Variants in ENDOD1 observed in about 807,000 individuals in gnomAD.
ENDOD1 encodes endonuclease domain containing 1.
Under a neutral mutation model 6.5 loss-of-function variants are expected in ENDOD1, and 9 were observed. The ratio of observed to expected loss-of-function variants is 1.39; its 90% confidence interval spans 0.84 to 2.43. ENDOD1 has a LOEUF of 2.43. ENDOD1 is among the 30% of genes most tolerant of loss of function. ENDOD1 has a pLI of 0.00. For missense variants in ENDOD1, 648 were observed against 635.5 expected (o/e 1.02, Z -0.21); for synonymous variants, 255 against 255.2 (o/e 1.00, Z 0.01).
At chr11:95,097,742 G>C (rs1859000716) in intron 1 of ENDOD1, among the ~76,000 whole-genome samples, 1 of 152,194 alleles carries the variant, frequency 6.6e-6, no homozygotes, top group South Asian at 2.1e-4. Context: ...TGATAGCACT[G>C]TATATTCTGG....
chr11:95,100,499 T>G (rs1386564645), intron 1 of ENDOD1, among the ~76,000 whole-genome samples: 5 of 152,148 alleles, frequency 3.3e-5, no homozygotes, highest in Non-Finnish European at 7.4e-5. Context: ...TTATTATTAT[T>G]ATTTTTTGAG....
Position 95,126,984 on chromosome 11 carries a change from C to T in ENDOD1, c.301-1393C>T, listed in dbSNP as rs80338623. Reference sequence around the variant, plus strand: ...TACAGGCATGAACCACCATGCCTGGCCATAATGGTTTTTAATGAGTTATTT... The same window carrying T: ...TACAGGCATGAACCACCATGCCTGGTCATAATGGTTTTTAATGAGTTATTT... On this transcript the variant is annotated intron_variant, in intron 1 of 1. Transcript: ENST00000278505. Among the ~76,000 whole-genome samples, 1,380 of 152,282 alleles carry T rather than the reference C, an allele frequency of 9.1e-3. 23 individuals carry two copies. The highest frequency in any genetic ancestry group is 0.031 in the African/African-American group (1,293 of 41,546).
intron 1 of ENDOD1, among the ~76,000 whole-genome samples, chr11:95,105,839 A>T (rs1048197296): frequency 1.2e-4 from 19 of 152,276 alleles, no homozygotes; most frequent in Admixed American, 1.3e-4. Flanking sequence ...GAATCCATGG[A>T]TGCAGAAGGC....
chr11:95,099,271 C>T (rs982324137), intron 1 of ENDOD1, among the ~76,000 whole-genome samples: 1 of 152,200 alleles, frequency 6.6e-6, no homozygotes, highest in African/African-American at 2.4e-5. Flanking sequence ...GATTTTGTCC[C>T]CTGCATCTCA....
chr11:95,113,063 G>T (rs1273508060), intron 1 of ENDOD1, among the ~76,000 whole-genome samples: 2 of 151,500 alleles, frequency 1.3e-5, no homozygotes, highest in South Asian at 2.1e-4. Flanking sequence ...TACATAGTAG[G>T]TGTATATATT....
intron 1 of ENDOD1, among the ~76,000 whole-genome samples, chr11:95,127,102 C>T (rs1459515655): frequency 6.6e-6 from 1 of 151,994 alleles, no homozygotes; most frequent in African/African-American, 2.4e-5. Flanking sequence ...TAAATACTGC[C>T]GCCCCAGGGC....
At chr11:95,095,627 A>G (rs937438063) in intron 1 of ENDOD1, among the ~76,000 whole-genome samples, 1 of 152,254 alleles carries the variant, frequency 6.6e-6, no homozygotes, top group Admixed American at 6.5e-5. Context: ...TATCTGGACA[A>G]TCTAGGCAAG....
intron 1 of ENDOD1, among the ~76,000 whole-genome samples, chr11:95,109,222 T>C (rs1259654257): frequency 6.6e-6 from 1 of 152,244 alleles, no homozygotes; most frequent in Admixed American, 6.5e-5. Flanking sequence ...CATGTGCTTA[T>C]CTAGCCTCAG....
intron 1 of ENDOD1, among the ~76,000 whole-genome samples, chr11:95,101,473 A>T (rs782736327): frequency 6.6e-6 from 1 of 152,222 alleles, no homozygotes; most frequent in Non-Finnish European, 1.5e-5. Context: ...GTTTTCAACT[A>T]ATCTTTTTAT....
At chr11:95,109,878 G>T (rs1565446193) in intron 1 of ENDOD1, among the ~76,000 whole-genome samples, 1 of 152,242 alleles carries the variant, frequency 6.6e-6, no homozygotes. Flanking sequence ...ACCTGGATTT[G>T]GAGGTCAGGT....
intron 1 of ENDOD1, among the ~76,000 whole-genome samples, chr11:95,115,424 A>G (rs1303555289): frequency 6.6e-6 from 1 of 151,356 alleles, no homozygotes; most frequent in African/African-American, 2.4e-5. Context: ...GGTTTTTAAT[A>G]TAAGGTTATA....
At chr11:95,123,197 A>C (rs1202048232) in intron 1 of ENDOD1, among the ~76,000 whole-genome samples, 2 of 152,104 alleles carry the variant, frequency 1.3e-5, no homozygotes, top group Admixed American at 1.3e-4. Context: ...TCAAAAAAAA[A>C]AAAAAGTAAA....
At chr11:95,125,431 G>C (rs1381845555) in intron 1 of ENDOD1, among the ~76,000 whole-genome samples, 1 of 151,896 alleles carries the variant, frequency 6.6e-6, no homozygotes, top group Non-Finnish European at 1.5e-5. Flanking sequence ...CCAAATGAAT[G>C]AGCTTCTTTA....
chr11:95,108,057 G>C (rs1412709395), intron 1 of ENDOD1, among the ~76,000 whole-genome samples: 4 of 152,196 alleles, frequency 2.6e-5, no homozygotes, highest in African/African-American at 9.6e-5. Context: ...GGGAGAGTCT[G>C]TTTGCCCCCA....
Position 95,128,690 on chromosome 11 carries a change from C to CA in ENDOD1, c.615dup (p.Asp206ArgfsTer5), listed in dbSNP as rs1859337372. 1 of 1,614,078 alleles carries CA rather than the reference C, an allele frequency of 6.2e-7. No individual in the cohort carries two copies. Among genetic ancestry groups the CA allele is most frequent in the Admixed American group, 1.7e-5 (1 of 60,010 alleles). ...TATATCCTCACAGGCACAGTGCCCTCAGACTACAGAGTTAAAGACAAAGTG... is the reference window on the plus strand; with the variant it reads ...TATATCCTCACAGGCACAGTGCCCTCAAGACTACAGAGTTAAAGACAAAGTG... On this transcript the variant is annotated frameshift_variant, in exon 2 of 2. Coordinates refer to ENST00000278505, the MANE Select transcript of ENDOD1 (RefSeq NM_015036.3). LOFTEE classifies it low-confidence loss of function (END_TRUNC).
Position 95,129,206 on chromosome 11 carries a change from A to T in ENDOD1, c.1130A>T (p.Tyr377Phe). ...ATTAATGGCATAGAAAGTTGCCTTTACCGCCTGGGCTCAGCCACCATCTCA... is the reference window on the plus strand; with the variant it reads ...ATTAATGGCATAGAAAGTTGCCTTTTCCGCCTGGGCTCAGCCACCATCTCA... ...QVINGIESCL[Y>F]RLGSATISYF... The change falls in exon 2 of 2, where the codon TAC becomes TTC. Residue 377 changes from tyrosine to phenylalanine, a missense_variant. Transcript: ENST00000278505. 1 of 1,614,160 alleles carries T rather than the reference A, an allele frequency of 6.2e-7. No homozygotes were observed. The highest frequency in any genetic ancestry group is 8.5e-7 in the Non-Finnish European group (1 of 1,180,036).
chr11:95,123,577 A>AGTATAAAT (rs1198132663), intron 1 of ENDOD1, among the ~76,000 whole-genome samples: 183 of 118,934 alleles, frequency 1.5e-3, no homozygotes, highest in African/African-American at 5.4e-3. Flanking sequence ...TTCAGGAGGT[A>AGTATAAAT]GTATAAATAC....
chr11:95,112,756 T>G (rs1555112074), intron 1 of ENDOD1, among the ~76,000 whole-genome samples: 1 of 152,268 alleles, frequency 6.6e-6, no homozygotes, highest in Admixed American at 6.5e-5. Context: ...TTCCTTCCTC[T>G]GAAATTCCGT....
At chr11:95,118,703 A>C (rs782529072) in intron 1 of ENDOD1, among the ~76,000 whole-genome samples, 9 of 152,152 alleles carry the variant, frequency 5.9e-5, no homozygotes, top group Non-Finnish European at 1.0e-4. Flanking sequence ...GTCTTTCTCT[A>C]GGTTTGGGAA....
Sources: allele counts gnomAD v4.1 joint callset (sites outside exome capture counted in the v4.1 genomes callset), GRCh38; gene constraint gnomAD v4.1.1; transcripts MANE v1.5; gene names NCBI Gene and HGNC (gene_info 2026-07-23, HGNC 2026-07-21).